Variants in MTMR8 observed in about 807,000 individuals in gnomAD.
MTMR8 encodes the protein myotubularin related protein 8.
Under a neutral mutation model 39.3 loss-of-function variants are expected in MTMR8, and 65 were observed. That is an observed-to-expected ratio of 1.65 (90% CI 1.35 to 2.03). The LOEUF (loss-of-function observed/expected upper bound fraction) is 2.03, where lower values mean the gene tolerates loss of function less well. Among genes scored for constraint, MTMR8 ranks in the 30% most tolerant of loss-of-function variants. The pLI is 0.00. For missense variants in MTMR8, 777 were observed against 538.9 expected (o/e 1.44, Z -4.37); for synonymous variants, 245 against 185.2 (o/e 1.32, Z -2.62).
chrX:64,322,899 C>T (rs1177264839), intron 12 of MTMR8, among the ~76,000 whole-genome samples: 1 of 112,734 alleles, frequency 8.9e-6, no homozygotes, highest in Non-Finnish European at 1.9e-5. Context: ...GTACTCTGTC[C>T]CTAGAGGAAT....
intron 8 of MTMR8, among the ~76,000 whole-genome samples, chrX:64,340,216 A>G (rs1489457389): frequency 8.9e-6 from 1 of 111,793 alleles, no homozygotes; most frequent in Non-Finnish European, 1.9e-5. Flanking sequence ...AAGAGGAGTT[A>G]AAAGTACAGA....
intron 4 of MTMR8, 94 bp from the exon 5 acceptor site, chrX:64,350,164 A>T (rs1923451537): frequency 2.0e-6 from 1 of 508,800 alleles, no homozygotes; most frequent in Non-Finnish European, 2.6e-6. Flanking sequence ...AACCACTAAA[A>T]GCTGATAAAC....
rs770832331 is a variant in MTMR8 at position 64,356,354 on chromosome X, G to A, written c.148-16C>T. On this transcript the variant is annotated splice_polypyrimidine_tract_variant and intron_variant, in intron 2 of 13. Transcript: ENST00000374852. ...GGAGTGCAATCTGAAAAACATAAAA[G>A]AACCAGCGTAAACATACAGATGTGC... 1.0e-5 allele frequency: 12 copies of A among 1,190,767 alleles called. No homozygotes were observed. The South Asian group carries it at 1.9e-4, about 18-fold the overall frequency.
intron 12 of MTMR8, among the ~76,000 whole-genome samples, chrX:64,282,708 T>C (rs1405332161): frequency 1.8e-5 from 2 of 110,903 alleles, no homozygotes; most frequent in African/African-American, 6.6e-5. Flanking sequence ...AGAATAAAAA[T>C]GGATAAATTG....
chrX:64,373,457 C>A (rs990012576), intron 1 of MTMR8, among the ~76,000 whole-genome samples: 2 of 111,582 alleles, frequency 1.8e-5, no homozygotes, highest in South Asian at 7.5e-4. Flanking sequence ...ACCTGCTTCC[C>A]CTTCACCTTC....
chrX:64,361,546 G>T (rs772507801), intron 1 of MTMR8, among the ~76,000 whole-genome samples: 1 of 110,871 alleles, frequency 9.0e-6, no homozygotes, highest in Non-Finnish European at 1.9e-5. Context: ...AAATGTCAAC[G>T]TAATACATCA....
chrX:64,300,477 C>T (rs1307388285), intron 12 of MTMR8, among the ~76,000 whole-genome samples: 2 of 110,396 alleles, frequency 1.8e-5, no homozygotes, highest in African/African-American at 6.6e-5. Context: ...TGTCTCTGCA[C>T]ATGAGATGGG....
chrX:64,335,409 G>A (rs1219919631), intron 10 of MTMR8, among the ~76,000 whole-genome samples: 1 of 112,146 alleles, frequency 8.9e-6, no homozygotes, highest in Non-Finnish European at 1.9e-5. Context: ...TAGGATCACA[G>A]GTATGAGCCA....
intron 2 of MTMR8, among the ~76,000 whole-genome samples, chrX:64,357,775 C>T (rs985537509): frequency 9.0e-6 from 1 of 111,692 alleles, no homozygotes; most frequent in Non-Finnish European, 1.9e-5. Flanking sequence ...GGAGGCATCA[C>T]AAAATGTAAT....
chrX:64,381,374 T>A (rs887526920), intron 1 of MTMR8, among the ~76,000 whole-genome samples: 1 of 111,760 alleles, frequency 8.9e-6, no homozygotes, highest in Non-Finnish European at 1.9e-5. Flanking sequence ...TTTTCATGTG[T>A]CTTTTGGCTG....
chrX:64,297,900 G>A (rs1425597539), intron 12 of MTMR8, among the ~76,000 whole-genome samples: 1 of 102,697 alleles, frequency 9.7e-6, no homozygotes, highest in Non-Finnish European at 2.0e-5. Flanking sequence ...GTAGGTAGGC[G>A]GCGTTATTTC....
intron 8 of MTMR8, among the ~76,000 whole-genome samples, chrX:64,341,479 C>CAAA (rs758580930): frequency 1.6e-3 from 41 of 25,410 alleles, no homozygotes; most frequent in Admixed American, 2.4e-3. Flanking sequence ...AACTCTGTCT[C>CAAA]AAAAAAAAAA....
intron 12 of MTMR8, among the ~76,000 whole-genome samples, chrX:64,288,172 C>A (rs1030810670): frequency 4.6e-5 from 5 of 108,791 alleles, no homozygotes; most frequent in African/African-American, 1.7e-4. Flanking sequence ...AAAAAACGAA[C>A]AACCCCATCA....
At chrX:64,318,713 T>G (rs1303348616) in intron 12 of MTMR8, among the ~76,000 whole-genome samples, 5 of 104,769 alleles carry the variant, frequency 4.8e-5, no homozygotes, top group Admixed American at 4.0e-4. Flanking sequence ...TTTTTGTTTT[T>G]TTTTTTTTTT....
chrX:64,360,519 T>A (rs1310935751), intron 1 of MTMR8: 3 of 138,910 alleles, frequency 2.2e-5, no homozygotes, highest in Non-Finnish European at 4.2e-5. Context: ...CAAAAAAAAA[T>A]TCCCAAAAAG....
chrX:64,377,320 C>A (rs763076818), intron 1 of MTMR8, among the ~76,000 whole-genome samples: 2 of 111,943 alleles, frequency 1.8e-5, no homozygotes, highest in Admixed American at 9.4e-5. Flanking sequence ...GCACTGTGCA[C>A]CTGGAAAAGA....
intron 12 of MTMR8, among the ~76,000 whole-genome samples, chrX:64,272,385 G>A (rs1310735351): frequency 9.0e-6 from 1 of 110,980 alleles, no homozygotes; most frequent in Non-Finnish European, 1.9e-5. Flanking sequence ...TACAATAACT[G>A]AAGAATCCAA....
intron 1 of MTMR8, among the ~76,000 whole-genome samples, chrX:64,386,209 C>T (rs747391084): frequency 7.2e-5 from 8 of 111,873 alleles, no homozygotes; most frequent in African/African-American, 2.3e-4. Context: ...CCAGTGGGAA[C>T]GCTCATTCTA....
At chrX:64,321,890 C>T (rs375793650) in intron 12 of MTMR8, among the ~76,000 whole-genome samples, 2 of 111,780 alleles carry the variant, frequency 1.8e-5, no homozygotes, top group Non-Finnish European at 3.8e-5. Context: ...TTGTCAAATA[C>T]TTTTTCTTCA....
Sources: allele counts gnomAD v4.1 joint callset (sites outside exome capture counted in the v4.1 genomes callset), GRCh38; gene constraint gnomAD v4.1.1; transcripts MANE v1.5; gene names NCBI Gene and HGNC (gene_info 2026-07-23, HGNC 2026-07-21).